CNTNAP5: variants seen among roughly 807,000 people sequenced by gnomAD.
CNTNAP5 encodes the protein contactin-associated protein-like 5.
A neutral mutation model predicts 150.2 loss-of-function variants in CNTNAP5; 72 were observed. The ratio of observed to expected loss-of-function variants is 0.48; its 90% CI spans 0.40 to 0.58. The LOEUF is 0.58. Among genes scored for constraint, CNTNAP5 ranks in the 20% least tolerant of loss-of-function variants. The pLI is 0.00. For synonymous variants in CNTNAP5, 672 were observed against 619.8 expected (o/e 1.08, Z -1.25); for missense variants, 1,636 against 1,626.2 (o/e 1.01, Z -0.10).
intron 1 of CNTNAP5, among the ~76,000 whole-genome samples, chr2:124,113,337 C>T (rs1157458403): frequency 6.6e-6 from 1 of 151,962 alleles, no homozygotes; most frequent in African/African-American, 2.4e-5. Flanking sequence ...TGTTATATGT[C>T]TCACTCAAAA....
intron 1 of CNTNAP5, among the ~76,000 whole-genome samples, chr2:124,087,615 G>C (rs1682721939): frequency 6.6e-6 from 1 of 151,786 alleles, no homozygotes; most frequent in South Asian, 2.1e-4. Flanking sequence ...CTAGCTACTA[G>C]GGAGGCTGAG....
intron 3 of CNTNAP5, among the ~76,000 whole-genome samples, chr2:124,396,900 T>A (rs1001138453): frequency 1.3e-5 from 2 of 152,208 alleles, no homozygotes; most frequent in Non-Finnish European, 2.9e-5. Context: ...GCTCCAGGAC[T>A]TTTTGTCTTG....
At chr2:124,912,835 C>T (rs1678684154) in intron 23 of CNTNAP5, among the ~76,000 whole-genome samples, 2 of 152,020 alleles carry the variant, frequency 1.3e-5, no homozygotes, top group South Asian at 4.1e-4. Context: ...CTATCCCATG[C>T]ATTGAAGGAG....
chr2:124,200,714 G>C (rs1271124545), intron 1 of CNTNAP5, among the ~76,000 whole-genome samples: 1 of 152,146 alleles, frequency 6.6e-6, no homozygotes, highest in African/African-American at 2.4e-5. Flanking sequence ...TGATTTCGAA[G>C]CTGCAGGCAC....
At chr2:124,607,404 C>T (rs574900047) in intron 11 of CNTNAP5, among the ~76,000 whole-genome samples, 22 of 152,206 alleles carry the variant, frequency 1.4e-4, no homozygotes, top group Admixed American at 9.8e-4. Context: ...CTTCTACCAC[C>T]GTGAGTGACC....
At chr2:124,905,339 T>G (rs1678513969) in intron 22 of CNTNAP5, among the ~76,000 whole-genome samples, 1 of 151,984 alleles carries the variant, frequency 6.6e-6, no homozygotes, top group African/African-American at 2.4e-5. Context: ...CTGGTGGGAA[T>G]GCAAATTGGT....
chr2:124,142,965 A>G (rs1002150614), intron 1 of CNTNAP5, among the ~76,000 whole-genome samples: 1 of 114,214 alleles, frequency 8.8e-6, no homozygotes. Flanking sequence ...GGATATCACC[A>G]CCAATCCCAC....
intron 5 of CNTNAP5, among the ~76,000 whole-genome samples, chr2:124,436,022 G>A (rs1363352744): frequency 6.6e-6 from 1 of 152,120 alleles, no homozygotes; most frequent in Non-Finnish European, 1.5e-5. Context: ...CTTTCTGAAT[G>A]TTGGGCGTCC....
chr2:124,102,121 C>T (rs1573754693), intron 1 of CNTNAP5, among the ~76,000 whole-genome samples: 1 of 152,156 alleles, frequency 6.6e-6, no homozygotes, highest in Admixed American at 6.5e-5. Context: ...CCCTCCACCA[C>T]CCCCTGAACC....
At chr2:124,245,223 T>C (rs1406467149) in intron 3 of CNTNAP5, among the ~76,000 whole-genome samples, 7 of 152,178 alleles carry the variant, frequency 4.6e-5, no homozygotes, top group African/African-American at 1.7e-4. Flanking sequence ...GCTTGGACTC[T>C]CTAAAACCCT....
At chr2:124,571,868 G>T (rs17320347) in intron 11 of CNTNAP5, among the ~76,000 whole-genome samples, 1 of 151,536 alleles carries the variant, frequency 6.6e-6, no homozygotes, top group Non-Finnish European at 1.5e-5. Context: ...TAGATGTTTA[G>T]GGAGAAGATG....
intron 13 of CNTNAP5, among the ~76,000 whole-genome samples, chr2:124,692,944 G>T (rs1191918734): frequency 6.6e-6 from 1 of 151,932 alleles, no homozygotes; most frequent in Non-Finnish European, 1.5e-5. Flanking sequence ...TTCCCCAAAG[G>T]GCACATCCAT....
At chr2:124,841,571 C>T (rs950916042) in intron 19 of CNTNAP5, among the ~76,000 whole-genome samples, 7 of 152,064 alleles carry the variant, frequency 4.6e-5, no homozygotes, top group African/African-American at 1.7e-4. Context: ...TTTCCCAACT[C>T]TCCTGCCTGT....
chr2:124,634,300 G>C (rs780344379), intron 12 of CNTNAP5, among the ~76,000 whole-genome samples: 2 of 152,114 alleles, frequency 1.3e-5, no homozygotes, highest in Non-Finnish European at 2.9e-5. Context: ...AGGCCACATC[G>C]TGAAAGCTCT....
intron 14 of CNTNAP5, 113 bp downstream of exon 14, chr2:124,747,498 C>A: frequency 7.9e-7 from 1 of 1,258,010 alleles, no homozygotes; most frequent in Non-Finnish European, 1.1e-6. Context: ...CTGGAGCTCC[C>A]CCGATGGTGA....
At chr2:124,479,550 G>C (rs1302125186) in intron 7 of CNTNAP5, among the ~76,000 whole-genome samples, 7 of 152,288 alleles carry the variant, frequency 4.6e-5, no homozygotes, top group East Asian at 1.9e-4. Context: ...TACAGAGTTG[G>C]CTTTGGAGCT....
intron 1 of CNTNAP5, among the ~76,000 whole-genome samples, chr2:124,063,691 G>A (rs970479830): frequency 6.6e-6 from 1 of 152,110 alleles, no homozygotes; most frequent in African/African-American, 2.4e-5. Context: ...AAGAAAAAGA[G>A]ACCAAAGCCT....
At chr2:124,764,838 A>G (rs891953628) in intron 16 of CNTNAP5, among the ~76,000 whole-genome samples, 1 of 152,188 alleles carries the variant, frequency 6.6e-6, no homozygotes, top group Non-Finnish European at 1.5e-5. Flanking sequence ...ATTTAAAAAA[A>G]TTACATCAAG....
chr2:124,505,368 T>G (rs1389381318), intron 8 of CNTNAP5, among the ~76,000 whole-genome samples: 2 of 152,152 alleles, frequency 1.3e-5, no homozygotes, highest in Admixed American at 1.3e-4. Flanking sequence ...GTCTATATTC[T>G]CCTCTTAAAC....
Sources: allele counts gnomAD v4.1 joint callset (sites outside exome capture counted in the v4.1 genomes callset), GRCh38; gene constraint gnomAD v4.1.1; transcripts MANE v1.5; gene names NCBI Gene and HGNC (gene_info 2026-07-23, HGNC 2026-07-21).